The following REDIC1 variants were observed in gnomAD, a reference collection of about 807,000 sequenced individuals.
REDIC1 encodes the protein regulator of DNA class I crossover intermediates 1, also known as HEI10 Interacting Protein 1.
At chr12:39,843,818 T>C in the REDIC1 span, among the ~76,000 whole-genome samples, 2 of 152,042 alleles carry the variant, frequency 1.3e-5, no homozygotes, top group African/African-American at 4.8e-5. Context: ...TTTTTAATAT[T>C]AGTAATGCCT....
the REDIC1 span, among the ~76,000 whole-genome samples, chr12:39,817,058 G>A: frequency 2.0e-5 from 3 of 152,134 alleles, no homozygotes; most frequent in Non-Finnish European, 4.4e-5. Flanking sequence ...TAGGTAGGTG[G>A]TGAGTGACTG....
the REDIC1 span, among the ~76,000 whole-genome samples, chr12:39,870,200 A>G: frequency 6.6e-6 from 1 of 152,222 alleles, no homozygotes; most frequent in Non-Finnish European, 1.5e-5. Context: ...TTCTATTTAA[A>G]AAATAGACTT....
chr12:39,733,069 GCACA>G, the REDIC1 span, among the ~76,000 whole-genome samples: 27 of 148,348 alleles, frequency 1.8e-4, 1 homozygote, highest in Admixed American at 4.0e-4. Context: ...GCAGAAAAAT[GCACA>G]CACACACACA....
At chr12:39,793,387 CA>C in the REDIC1 span, among the ~76,000 whole-genome samples, 2 of 152,038 alleles carry the variant, frequency 1.3e-5, no homozygotes, top group Non-Finnish European at 2.9e-5. Context: ...GTAAAGACAT[CA>C]ATTCATCCCA....
At chr12:39,670,472 T>C in the REDIC1 span, among the ~76,000 whole-genome samples, 1 of 152,360 alleles carries the variant, frequency 6.6e-6, no homozygotes, top group East Asian at 1.9e-4. Context: ...ATTAGAGGCA[T>C]GAACCACTGC....
chr12:39,787,532 C>A, the REDIC1 span, among the ~76,000 whole-genome samples: 1 of 152,098 alleles, frequency 6.6e-6, no homozygotes, highest in African/African-American at 2.4e-5. Context: ...CCCAGGCATA[C>A]TACTTTTCTT....
chr12:39,741,913 C>T, the REDIC1 span, among the ~76,000 whole-genome samples: 1 of 152,182 alleles, frequency 6.6e-6, no homozygotes. Flanking sequence ...GACTGATGGC[C>T]TGCAGATGTG....
chr12:39,760,594 A>G, the REDIC1 span, among the ~76,000 whole-genome samples: 1 of 152,054 alleles, frequency 6.6e-6, no homozygotes. Context: ...AATAACAACC[A>G]AGAAATATTA....
chr12:39,712,116 G>A, the REDIC1 span, among the ~76,000 whole-genome samples: 6 of 83,208 alleles, frequency 7.2e-5, no homozygotes, highest in African/African-American at 2.1e-4. Context: ...ATATATACCT[G>A]TATATATACC....
At chr12:39,843,780 C>T in the REDIC1 span, among the ~76,000 whole-genome samples, 1 of 151,974 alleles carries the variant, frequency 6.6e-6, no homozygotes, top group Non-Finnish European at 1.5e-5. Context: ...TTGTTTGTTG[C>T]TTTAAACCAC....
At chr12:39,743,078 G>T in the REDIC1 span, among the ~76,000 whole-genome samples, 1 of 150,074 alleles carries the variant, frequency 6.7e-6, no homozygotes. Context: ...AATCCCCTGT[G>T]CCTCTGGTAG....
the REDIC1 span, among the ~76,000 whole-genome samples, chr12:39,856,277 C>A: frequency 6.6e-6 from 1 of 152,192 alleles, no homozygotes; most frequent in Non-Finnish European, 1.5e-5. Context: ...ATCCATCCAT[C>A]CACCCAAACA....
At chr12:39,783,833 C>T in the REDIC1 span, among the ~76,000 whole-genome samples, 6 of 152,154 alleles carry the variant, frequency 3.9e-5, no homozygotes, top group Non-Finnish European at 7.3e-5. Flanking sequence ...ACCCCATCGT[C>T]GCAGCCTAAA....
the REDIC1 span, among the ~76,000 whole-genome samples, chr12:39,847,565 C>A: frequency 6.6e-6 from 1 of 152,078 alleles, no homozygotes; most frequent in Non-Finnish European, 1.5e-5. Context: ...CTCCTGCAGC[C>A]ACCCTGGCCC....
the REDIC1 span, among the ~76,000 whole-genome samples, chr12:39,660,737 A>G: frequency 1.2e-3 from 187 of 152,142 alleles, no homozygotes; most frequent in African/African-American, 4.5e-3. Flanking sequence ...CTCTACTATC[A>G]AATATTAGCA....
chr12:39,653,676 A>G, the REDIC1 span, among the ~76,000 whole-genome samples: 1 of 150,088 alleles, frequency 6.7e-6, no homozygotes, highest in Non-Finnish European at 1.5e-5. Flanking sequence ...TTTCTTGCTT[A>G]ACTTTGCTAA....
the REDIC1 span, among the ~76,000 whole-genome samples, chr12:39,737,928 T>C: frequency 2.0e-5 from 3 of 152,322 alleles, no homozygotes; most frequent in African/African-American, 7.2e-5. Context: ...AGAAAGAATC[T>C]ACCAAAATGT....
At chr12:39,838,815 G>T in the REDIC1 span, among the ~76,000 whole-genome samples, 1 of 151,952 alleles carries the variant, frequency 6.6e-6, no homozygotes, top group African/African-American at 2.4e-5. Flanking sequence ...TGTGAAGCTG[G>T]GTGTGAACTC....
At chr12:39,683,048 A>G in the REDIC1 span, 3 of 1,613,386 alleles carry the variant, frequency 1.9e-6, no homozygotes, top group South Asian at 2.2e-5. Flanking sequence ...CAGCCAAACA[A>G]GAAGTATCAG....
Sources: allele counts gnomAD v4.1 joint callset (sites outside exome capture counted in the v4.1 genomes callset), GRCh38; gene constraint gnomAD v4.1.1; transcripts MANE v1.5; gene names NCBI Gene and HGNC (gene_info 2026-07-23, HGNC 2026-07-21).